AOAH: variants seen among roughly 807,000 people sequenced by gnomAD.
The protein encoded by AOAH is acyloxyacyl hydrolase (neutrophil).
AOAH carries 64 observed loss-of-function variants against 92.2 expected under a neutral mutation model. The ratio of observed to expected loss-of-function variants is 0.69; its 90% CI spans 0.57 to 0.86. The LOEUF (loss-of-function observed/expected upper bound fraction) is 0.86, where lower values mean the gene tolerates loss of function less well. AOAH is among the 40% of genes least tolerant of loss of function. The probability of loss-of-function intolerance (pLI) is 0.00; values close to 1 mark genes in which losing one functional copy is unlikely to be tolerated. For missense variants in AOAH, 656 were observed against 694.6 expected (o/e 0.94, Z 0.62); for synonymous variants, 263 against 254.5 (o/e 1.03, Z -0.32).
intron 9 of AOAH, among the ~76,000 whole-genome samples, chr7:36,620,173 A>AGAT (rs1792176637): frequency 6.6e-6 from 1 of 152,184 alleles, no homozygotes; most frequent in Non-Finnish European, 1.5e-5. Context: ...ATTTTTAAGT[A>AGAT]GATATTCTTT....
intron 1 of AOAH, among the ~76,000 whole-genome samples, chr7:36,719,540 G>T (rs1739239484): frequency 6.6e-6 from 1 of 152,172 alleles, no homozygotes; most frequent in Non-Finnish European, 1.5e-5. Flanking sequence ...AATATTTTAG[G>T]TTATTATGAT....
intron 15 of AOAH, among the ~76,000 whole-genome samples, chr7:36,544,193 C>A (rs916771286): frequency 1.3e-5 from 2 of 152,110 alleles, no homozygotes; most frequent in Non-Finnish European, 2.9e-5. Context: ...GATCTGCCTG[C>A]CTCAGCCTCC....
In AOAH at chr7:36,623,237, A is replaced by G; in HGVS notation, c.535T>C (p.Ser179Pro). The change falls in exon 7 of 21, where the codon TCT becomes CCT. Residue 179 changes from serine (S) to proline (P), a missense_variant. Coordinates refer to ENST00000617537, the MANE Select transcript of AOAH (RefSeq NM_001637.4). ...CQKIKLAMEQ[S>P]VPFKDVDSDK... Reference sequence around the variant, plus strand: ...GAATCCACATCTTTGAATGGCACAGACTGTTCCATAGCTCTAGGAAAAAGA... The same window carrying G: ...GAATCCACATCTTTGAATGGCACAGGCTGTTCCATAGCTCTAGGAAAAAGA... 1 of 1,614,024 alleles carries G rather than the reference A, an allele frequency of 6.2e-7. No individual in the cohort carries two copies.
intron 4 of AOAH, among the ~76,000 whole-genome samples, chr7:36,649,317 A>G (rs1794428446): frequency 6.6e-6 from 1 of 152,182 alleles, no homozygotes. Context: ...TGAGCGGGTT[A>G]CTAGGCCTTC....
At chr7:36,517,172 T>TTCTCTCTCTCTC (rs756572469) in intron 20 of AOAH, among the ~76,000 whole-genome samples, 6 of 117,180 alleles carry the variant, frequency 5.1e-5, no homozygotes, top group South Asian at 3.2e-4. Context: ...CTTTCTTTCT[T>TTCTCTCTCTCTC]TCTTTCTTTC....
intron 12 of AOAH, among the ~76,000 whole-genome samples, chr7:36,591,637 G>C (rs1447826916): frequency 3.3e-5 from 5 of 152,214 alleles, no homozygotes; most frequent in African/African-American, 1.2e-4. Flanking sequence ...GGTAAAAACT[G>C]CTGCAGGATT....
chr7:36,703,238 ACTCCT>A (rs766019853), intron 1 of AOAH, among the ~76,000 whole-genome samples: 11 of 151,884 alleles, frequency 7.2e-5, no homozygotes, highest in Non-Finnish European at 1.6e-4. Context: ...CGTTTGCCAA[ACTCCT>A]CTTAATGCTG....
At chr7:36,575,441 G>T (rs374598030) in intron 13 of AOAH, among the ~76,000 whole-genome samples, 1 of 152,104 alleles carries the variant, frequency 6.6e-6, no homozygotes, top group African/African-American at 2.4e-5. Flanking sequence ...ATATTTTAAC[G>T]CATTTGGTAT....
chr7:36,584,280 A>G (rs1335707344), intron 12 of AOAH, among the ~76,000 whole-genome samples: 3 of 152,216 alleles, frequency 2.0e-5, no homozygotes, highest in Non-Finnish European at 4.4e-5. Flanking sequence ...TGGAACTCAT[A>G]TTTCGCAGAA....
chr7:36,652,924 T>C (rs1794673604), intron 4 of AOAH, among the ~76,000 whole-genome samples: 1 of 152,306 alleles, frequency 6.6e-6, no homozygotes, highest in African/African-American at 2.4e-5. Flanking sequence ...AGGAGAAGCA[T>C]GTGTAATCCA....
intron 4 of AOAH, among the ~76,000 whole-genome samples, chr7:36,650,964 A>AG (rs1794540785): frequency 6.6e-6 from 1 of 152,178 alleles, no homozygotes; most frequent in South Asian, 2.1e-4. Flanking sequence ...TTAAACCAGC[A>AG]GGGGAACAAG....
intron 1 of AOAH, among the ~76,000 whole-genome samples, chr7:36,692,721 G>A (rs148863685): frequency 1.2e-3 from 181 of 152,254 alleles, no homozygotes; most frequent in African/African-American, 4.1e-3. Context: ...TTTATTCAAC[G>A]TGTACTTTTC....
chr7:36,532,227 T>C, intron 17 of AOAH, 21 bp from the exon 18 acceptor site: 1 of 1,614,202 alleles, frequency 6.2e-7, no homozygotes, highest in South Asian at 1.1e-5. Flanking sequence ...GAAAACACTT[T>C]TGATTACAGA....
chr7:36,616,121 G>A (rs569904023), intron 11 of AOAH, among the ~76,000 whole-genome samples: 11 of 152,284 alleles, frequency 7.2e-5, no homozygotes, highest in Admixed American at 2.0e-4. Context: ...TCCTTTCTGT[G>A]CATTCTCCAC....
At chr7:36,648,981 C>CT (rs780987509) in intron 4 of AOAH, among the ~76,000 whole-genome samples, 6 of 152,212 alleles carry the variant, frequency 3.9e-5, no homozygotes. Context: ...GATTTTTTCT[C>CT]TGTAAAGTTA....
At chr7:36,597,677 A>G (rs1402215142) in intron 11 of AOAH, among the ~76,000 whole-genome samples, 2 of 152,094 alleles carry the variant, frequency 1.3e-5, no homozygotes, top group Admixed American at 1.3e-4. Flanking sequence ...CAGACTTGGG[A>G]AACTGGATGA....
intron 11 of AOAH, among the ~76,000 whole-genome samples, chr7:36,604,367 C>T (rs1204437726): frequency 6.6e-6 from 1 of 152,152 alleles, no homozygotes; most frequent in East Asian, 1.9e-4. Flanking sequence ...CCCAGCTAGA[C>T]TTTACATTTT....
intron 11 of AOAH, among the ~76,000 whole-genome samples, chr7:36,611,450 C>T (rs2115877882): frequency 6.6e-6 from 1 of 152,302 alleles, no homozygotes; most frequent in South Asian, 2.1e-4. Context: ...GCACTTGAAT[C>T]AATTCATTGC....
chr7:36,632,582 T>C (rs1317274854), intron 5 of AOAH, among the ~76,000 whole-genome samples: 4 of 152,194 alleles, frequency 2.6e-5, no homozygotes, highest in Non-Finnish European at 5.9e-5. Context: ...CTTCTTGAGC[T>C]GTGGGTTTCT....
Sources: gnomAD v4.1 joint callset for allele counts (sites outside exome capture counted in the v4.1 genomes callset) on GRCh38, gnomAD v4.1.1 for gene constraint, MANE v1.5 for transcripts, NCBI Gene and HGNC (gene_info 2026-07-23, HGNC 2026-07-21) for gene names.